IKZF3: variants seen among roughly 807,000 people sequenced by gnomAD.
IKZF3 encodes IKAROS family zinc finger 3.
Under a neutral mutation model 49.0 loss-of-function variants are expected in IKZF3, and 10 were observed. The ratio of observed to expected loss-of-function variants is 0.20; its 90% CI spans 0.13 to 0.35. IKZF3 has a LOEUF of 0.35. Among genes scored for constraint, IKZF3 ranks in the 10% least tolerant of loss-of-function variants. IKZF3 has a pLI of 1.00. For missense variants in IKZF3, 498 were observed against 664.8 expected (o/e 0.75, Z 2.76); for synonymous variants, 209 against 228.2 (o/e 0.92, Z 0.76).
chr17:39,837,951 T>C (rs183951184), intron 1 of IKZF3, among the ~76,000 whole-genome samples: 171 of 152,308 alleles, frequency 1.1e-3, no homozygotes, highest in Non-Finnish European at 2.1e-3. Context: ...CTGTCTTCTA[T>C]TGTTTCTGAT....
At chr17:39,801,509 G>C (rs1189375268) in intron 3 of IKZF3, among the ~76,000 whole-genome samples, 1 of 152,104 alleles carries the variant, frequency 6.6e-6, no homozygotes, top group East Asian at 1.9e-4. Context: ...ATGTATTGTA[G>C]GTATTCAGTC....
chr17:39,773,463 G>A (rs2060495635), intron 7 of IKZF3, among the ~76,000 whole-genome samples: 1 of 152,188 alleles, frequency 6.6e-6, no homozygotes, highest in African/African-American at 2.4e-5. Context: ...GTTAACCAAA[G>A]CAGGCAATTT....
rs570873502 is a variant in IKZF3, at chr17:39,763,829, GT to G, written c.*1960del. The stretch of plus-strand genomic sequence containing the variant: ...CCTATTTTATGGATGAGGAAACTGA[GT>G]TTTTTTTGTTTTTGTTTGTTTGTTT... On this transcript the variant is annotated 3_prime_UTR_variant, in exon 8 of 8. Coordinates refer to ENST00000346872, the MANE Select transcript of IKZF3 (RefSeq NM_012481.5). The G allele has an allele frequency of 3.3e-5, 5 of 152,106 alleles. No homozygotes were observed. In the East Asian group the frequency reaches 5.8e-4, roughly 18 times the overall value. The allele number at this position is 152,106 out of a possible 1,614,324, so 9.4% of individuals were successfully genotyped here. A position where few individuals can be genotyped will look rare whatever the true frequency, so the allele number is the denominator to read the frequency against.
intron 6 of IKZF3, among the ~76,000 whole-genome samples, chr17:39,785,666 C>A (rs1237130026): frequency 6.6e-6 from 1 of 152,048 alleles, no homozygotes; most frequent in African/African-American, 2.4e-5. Flanking sequence ...CCAGGAGAAT[C>A]AGGACACACA....
At chr17:39,807,401 CTT>C (rs1257023793) in intron 3 of IKZF3, among the ~76,000 whole-genome samples, 34 of 136,160 alleles carry the variant, frequency 2.5e-4, no homozygotes, top group African/African-American at 3.2e-4. Context: ...CAATGATATT[CTT>C]TTTTTTTTTT....
intron 4 of IKZF3, 90 bp downstream of exon 4, chr17:39,792,583 G>C: frequency 7.4e-7 from 1 of 1,359,992 alleles, no homozygotes; most frequent in Non-Finnish European, 1.0e-6. Context: ...ATCAATGAAA[G>C]TAACCAAAAG....
intron 7 of IKZF3, among the ~76,000 whole-genome samples, chr17:39,768,980 T>C (rs1293971624): frequency 6.6e-6 from 1 of 152,206 alleles, no homozygotes; most frequent in Admixed American, 6.5e-5. Context: ...GTGAGATTAG[T>C]GTTAAAGACA....
chr17:39,771,733 G>T lies in IKZF3; in HGVS notation c.827-5240C>A, dbSNP rs899634827. ...AGGGGTGTGGGAATGTGGACAATGTGTGCTTCTTTTTATTTTTTATTTTTG... is the reference window on the plus strand; with the variant it reads ...AGGGGTGTGGGAATGTGGACAATGTTTGCTTCTTTTTATTTTTTATTTTTG... On this transcript the variant is annotated intron_variant, in intron 7 of 7. Coordinates refer to ENST00000346872, the MANE Select transcript of IKZF3 (RefSeq NM_012481.5). Among the ~76,000 whole-genome samples the T allele has an allele frequency of 1.3e-5, 2 of 151,972 alleles. 1 individual carries two copies. Among genetic ancestry groups the T allele is most frequent in the Admixed American group, 1.3e-4 (2 of 15,258 alleles).
At chr17:39,791,683 T>G in intron 4 of IKZF3, 100 bp from the exon 5 acceptor site, 1 of 1,207,996 alleles carries the variant, frequency 8.3e-7, no homozygotes, top group Non-Finnish European at 1.2e-6. Context: ...TTTAGACAAT[T>G]ACTGTTCACA....
chr17:39,859,734 G>A (rs911799232), intron 1 of IKZF3, among the ~76,000 whole-genome samples: 2 of 152,122 alleles, frequency 1.3e-5, no homozygotes, highest in African/African-American at 4.8e-5. Context: ...AGTTAATATG[G>A]AGCTAAATTT....
At chr17:39,856,276 G>A (rs1187020433) in intron 1 of IKZF3, among the ~76,000 whole-genome samples, 1 of 152,072 alleles carries the variant, frequency 6.6e-6, no homozygotes, top group African/African-American at 2.4e-5. Flanking sequence ...AAGACAGTTA[G>A]TAATATTCTT....
At chr17:39,860,604 C>G (rs1253745708) in intron 1 of IKZF3, among the ~76,000 whole-genome samples, 1 of 152,178 alleles carries the variant, frequency 6.6e-6, no homozygotes, top group East Asian at 1.9e-4. Flanking sequence ...TGAATTAACA[C>G]AGAAACAGAA....
chr17:39,775,188 C>A (rs1239157070), intron 7 of IKZF3, among the ~76,000 whole-genome samples: 3 of 151,334 alleles, frequency 2.0e-5, no homozygotes, highest in Non-Finnish European at 4.4e-5. Context: ...TCTTATTGCA[C>A]TACAACACAA....
chr17:39,832,952 A>G (rs1334443869), intron 1 of IKZF3, among the ~76,000 whole-genome samples: 2 of 152,196 alleles, frequency 1.3e-5, no homozygotes, highest in Non-Finnish European at 2.9e-5. Context: ...ATTATTATAT[A>G]TTCTATGCAT....
At chr17:39,850,447 A>AAATATATAGCATATTATACATGTACATAT (rs1436163402) in intron 1 of IKZF3, among the ~76,000 whole-genome samples, 3 of 126,454 alleles carry the variant, frequency 2.4e-5, no homozygotes, top group South Asian at 4.8e-4. Context: ...TATATAGTAT[A>AAATATATAGCATATTATACATGTACATAT]AATATATAGC....
At chr17:39,801,248 C>T (rs1219519953) in intron 3 of IKZF3, among the ~76,000 whole-genome samples, 1 of 150,722 alleles carries the variant, frequency 6.6e-6, no homozygotes, top group Non-Finnish European at 1.5e-5. Context: ...AACAAAGAAG[C>T]TTAATCATCT....
intron 5 of IKZF3, among the ~76,000 whole-genome samples, chr17:39,788,649 C>T (rs2060931660): frequency 6.6e-6 from 1 of 152,146 alleles, no homozygotes; most frequent in Admixed American, 6.5e-5. Flanking sequence ...ACTGTTTTGG[C>T]TCCAGGTCAA....
chr17:39,844,485 A>C (rs1032028619), intron 1 of IKZF3, among the ~76,000 whole-genome samples: 1 of 152,080 alleles, frequency 6.6e-6, no homozygotes, highest in African/African-American at 2.4e-5. Context: ...CTTAAAAGTC[A>C]CCTATTCAAA....
At chr17:39,789,389 C>A (rs1172058116) in intron 5 of IKZF3, among the ~76,000 whole-genome samples, 1 of 152,164 alleles carries the variant, frequency 6.6e-6, no homozygotes, top group Non-Finnish European at 1.5e-5. Context: ...GTGGTGAAAC[C>A]CCATCTCTAC....
Sources: allele counts gnomAD v4.1 joint callset (sites outside exome capture counted in the v4.1 genomes callset), GRCh38; gene constraint gnomAD v4.1.1; transcripts MANE v1.5; gene names NCBI Gene and HGNC (gene_info 2026-07-23, HGNC 2026-07-21).